TMEM255B: variants seen among roughly 807,000 people sequenced by gnomAD.
TMEM255B encodes the protein family with sequence similarity 70, member B.
In TMEM255B, 35 loss-of-function variants were observed where a neutral mutation model predicts 34.5. That is an observed-to-expected ratio of 1.01 (90% CI 0.77 to 1.34). The LOEUF is 1.34. Among genes scored for constraint, TMEM255B ranks in the 40% most tolerant of loss-of-function variants. The pLI is 0.00. For missense variants in TMEM255B, 432 were observed against 433.2 expected, an observed-to-expected ratio of 1.00 and a Z score of 0.02; for synonymous variants, 206 against 201.2, an observed-to-expected ratio of 1.02 and a Z score of -0.20.
intron 4 of TMEM255B, 130 bp downstream of exon 4, chr13:113,795,367 C>T (rs777052428): frequency 1.1e-6 from 1 of 910,102 alleles, no homozygotes; most frequent in Non-Finnish European, 1.7e-6. Context: ...TGGGGGTTGC[C>T]AGTGACTGTC....
rs2051391130 is a variant in TMEM255B at position 113,815,417 on chromosome 13, A to ACGG, written c.*3514_*3515insCGG. On this transcript the variant is annotated 3_prime_UTR_variant, in exon 9 of 9. Transcript: ENST00000375353. ...ACGGAGAGAGGAAGGGACATGGGTG[A>ACGG]TATGGTTTTGCTGTGTCCCCACCCA... is the stretch of plus-strand genomic sequence containing the variant. 1.3e-5 allele frequency: 2 copies of ACGG among 151,682 alleles called. No homozygotes were observed. The highest frequency in any genetic ancestry group is 6.6e-5 in the Admixed American group (1 of 15,242). 9.4% of individuals were successfully genotyped at this position (151,682 alleles called of 1,614,324 possible).
At chr13:113,797,620 T>C (rs1226335266) in intron 4 of TMEM255B, among the ~76,000 whole-genome samples, 7 of 152,248 alleles carry the variant, frequency 4.6e-5, no homozygotes. Context: ...GACTTGTGTC[T>C]GCTTCCTCCA....
rs1485272556 is a variant in TMEM255B, at chr13:113,769,783, A to G, written c.252+623A>G. ...GGGGACTATAACTTTAAAAACAAAA[A>G]CTGGCTAATTTTGTCAGTTCACGGT... is the stretch of plus-strand genomic sequence containing the variant. On this transcript the variant is annotated intron_variant, in intron 3 of 8. Coordinates refer to ENST00000375353, the MANE Select transcript of TMEM255B (RefSeq NM_182614.4). This position sits in a 1 kb window ranked among gnomAD's most constrained non-coding sequence, Gnocchi z 4.2. The G allele has an allele frequency of 6.6e-6, 1 of 152,026 alleles. No homozygotes were observed. 9.4% of individuals were successfully genotyped at this position (152,026 alleles called of 1,614,324 possible).
intron 1 of TMEM255B, 136 bp from the exon 2 acceptor site, chr13:113,765,977 CCT>C: frequency 9.1e-7 from 1 of 1,101,260 alleles, no homozygotes; most frequent in Non-Finnish European, 1.3e-6. Flanking sequence ...GGGGTGGTCC[CCT>C]GAGGTGGGCC....
Position 113,804,865 on chromosome 13 carries a change from C to G in TMEM255B, c.670-20C>G. The G allele has an allele frequency of 6.3e-7, 1 of 1,588,502 alleles. No individual in the cohort carries two copies. Among genetic ancestry groups the G allele is most frequent in the Non-Finnish European group, 8.5e-7 (1 of 1,172,878 alleles). ...CCACTAGGGGGTACACGCCGACCAC[C>G]CGTCTCCTCTCCATGGCAGGTGCCT... On this transcript the variant is annotated intron_variant, in intron 7 of 8. Coordinates refer to ENST00000375353, the MANE Select transcript of TMEM255B (RefSeq NM_182614.4).
chr13:113,763,582 GA>G (rs919011730), intron 1 of TMEM255B, among the ~76,000 whole-genome samples: 1 of 151,982 alleles, frequency 6.6e-6, no homozygotes, highest in Non-Finnish European at 1.5e-5. Flanking sequence ...CCTAATTTAA[GA>G]AAAAAATGTT....
Position 113,814,293 on chromosome 13 carries a change from T to G in TMEM255B, c.*2390T>G, listed in dbSNP as rs929824660. 1 of 152,230 alleles carries G rather than the reference T, an allele frequency of 6.6e-6. No homozygotes were observed. Among genetic ancestry groups the G allele is most frequent in the Non-Finnish European group, 1.5e-5 (1 of 68,086 alleles). The allele number at this position is 152,230 out of a possible 1,614,324, so 9.4% of individuals were successfully genotyped here. A position where few individuals can be genotyped will look rare whatever the true frequency, so the allele number is the denominator to read the frequency against. Reference sequence around the variant, plus strand: ...GCAAAGTCACAGGAATAACCCTCCTTCCCCTCATGTCAGCCCTCGGTCGCA... The same window carrying G: ...GCAAAGTCACAGGAATAACCCTCCTGCCCCTCATGTCAGCCCTCGGTCGCA... On this transcript the variant is annotated 3_prime_UTR_variant, in exon 9 of 9. Transcript: ENST00000375353.
intron 3 of TMEM255B, among the ~76,000 whole-genome samples, chr13:113,790,432 G>A (rs373526488): frequency 2.2e-5 from 2 of 91,654 alleles, no homozygotes; most frequent in Non-Finnish European, 2.3e-5. Context: ...TGAACTGACT[G>A]GACACATGGA....
chr13:113,785,398 C>T (rs540638450), intron 3 of TMEM255B, among the ~76,000 whole-genome samples: 4 of 152,336 alleles, frequency 2.6e-5, no homozygotes, highest in Admixed American at 2.6e-4. Context: ...GAGAGGGAGG[C>T]TTGCGGGCTT....
intron 7 of TMEM255B, among the ~76,000 whole-genome samples, chr13:113,803,808 C>T (rs1362125802): frequency 9.3e-6 from 1 of 107,772 alleles, no homozygotes. Flanking sequence ...CCTTCCAGTG[C>T]CCGCTGGGCA....
At position 113,795,128 on chromosome 13, in the gene TMEM255B, C is replaced by A. The variant is rs1435151981; in HGVS notation, c.253-20C>A. The A allele has an allele frequency of 6.2e-7, 1 of 1,612,950 alleles. No homozygotes were observed. Among genetic ancestry groups the A allele is most frequent in the Non-Finnish European group, 8.5e-7 (1 of 1,179,350 alleles). ...GGGGTTGGTAAAAGCTGGGCACCCA[C>A]ACCTCTCCTTCTGTTGCAGCTGGTG... On this transcript the variant is annotated intron_variant, in intron 3 of 8. Transcript: ENST00000375353.
chr13:113,811,826 C>T lies in TMEM255B; in HGVS notation c.904C>T (p.Leu302Phe), dbSNP rs2051315896. ...PPSPSSSGSG[L>F]PGQAPPCYAP... ...TTCTCCAAGCAGCTCTGGCTCTGGG[C>T]TTCCCGGCCAGGCTCCACCGTGCTA... Residue 302 changes from leucine (L) to phenylalanine (F), a missense_variant, in exon 9 of 9, where the codon CTT becomes TTT. By Grantham distance (22) the Leu-to-Phe change is conservative (BLOSUM62 0). Transcript: ENST00000375353. 4 of 1,613,964 alleles carry T rather than the reference C, an allele frequency of 2.5e-6. No homozygotes were observed. In the East Asian group the frequency reaches 8.9e-5, roughly 36 times the overall value.
rs113798460 is a variant in TMEM255B, at chr13:113,800,699, C to T, written c.424-128C>T. 2.5e-4 allele frequency: 206 copies of T among 823,850 alleles called. No homozygotes were observed. In the African/African-American group the frequency reaches 3.0e-3, roughly 12 times the overall value. 51.0% of individuals were successfully genotyped at this position (823,850 alleles called of 1,614,324 possible). A position where few individuals can be genotyped will look rare whatever the true frequency, so the allele number is the denominator to read the frequency against. On this transcript the variant is annotated intron_variant, in intron 5 of 8. Coordinates refer to ENST00000375353, the MANE Select transcript of TMEM255B (RefSeq NM_182614.4). ...TCTGTGTCTGGAGTCGGGGGAAAGTCGGGGGAGGCAGCTGCTTGGCTGGGC... is the reference window on the plus strand; with the variant it reads ...TCTGTGTCTGGAGTCGGGGGAAAGTTGGGGGAGGCAGCTGCTTGGCTGGGC...
chr13:113,785,934 G>A (rs1298702186), intron 3 of TMEM255B, among the ~76,000 whole-genome samples: 1 of 152,194 alleles, frequency 6.6e-6, no homozygotes, highest in East Asian at 1.9e-4. Context: ...GTGGGGATGG[G>A]CCAGACCGTT....
intron 1 of TMEM255B, among the ~76,000 whole-genome samples, chr13:113,759,799 T>C (rs2050266793): frequency 6.6e-6 from 1 of 152,184 alleles, no homozygotes; most frequent in Non-Finnish European, 1.5e-5. Context: ...CTCACAGAAC[T>C]GGACAGTGTT....
chr13:113,769,290 T>G lies in TMEM255B; in HGVS notation c.252+130T>G. 2.0e-6 allele frequency: 2 copies of G among 989,180 alleles called. No individual in the cohort carries two copies. The highest frequency in any genetic ancestry group is 2.5e-5 in the East Asian group (1 of 40,250). 61.3% of individuals were successfully genotyped at this position (989,180 alleles called of 1,614,324 possible). A position where few individuals can be genotyped will look rare whatever the true frequency, so the allele number is the denominator to read the frequency against. On this transcript the variant is annotated intron_variant, in intron 3 of 8. Coordinates refer to ENST00000375353, the MANE Select transcript of TMEM255B (RefSeq NM_182614.4). The surrounding 1 kb of genome is among the most constrained non-coding windows in gnomAD (Gnocchi z 4.2). The stretch of plus-strand genomic sequence containing the variant: ...GGTGTCTACAGGACCAGCTCTGAGG[T>G]TCCCGGGCTGTGGCCTGCACAGTCC...
rs2050448046 is a variant in TMEM255B at position 113,769,752 on chromosome 13, T to C, written c.252+592T>C. The C allele has an allele frequency of 6.5e-6, 1 of 153,068 alleles. No individual in the cohort carries two copies. The highest frequency in any genetic ancestry group is 1.5e-5 in the Non-Finnish European group (1 of 68,636). The allele number at this position is 153,068 out of a possible 1,614,324, so 9.5% of individuals were successfully genotyped here. On this transcript the variant is annotated intron_variant, in intron 3 of 8. Coordinates refer to ENST00000375353, the MANE Select transcript of TMEM255B (RefSeq NM_182614.4). This position sits in a 1 kb window ranked among gnomAD's most constrained non-coding sequence, Gnocchi z 4.2. The stretch of plus-strand genomic sequence containing the variant: ...CTGGAAGTCTGTTTTGTTGATGCAC[T>C]GTTTTGGGGACTATAACTTTAAAAA...
At chr13:113,777,506 C>T (rs549330438) in intron 3 of TMEM255B, among the ~76,000 whole-genome samples, 5 of 152,306 alleles carry the variant, frequency 3.3e-5, no homozygotes, top group African/African-American at 1.2e-4. Flanking sequence ...AGGGGAGGCG[C>T]GGTGGCCCCG....
chr13:113,778,644 C>T (rs1307753916), intron 3 of TMEM255B, among the ~76,000 whole-genome samples: 2 of 151,708 alleles, frequency 1.3e-5, no homozygotes, highest in African/African-American at 4.9e-5. Context: ...TGACGATGAT[C>T]ACCTGTGGTA....
Sources: gnomAD v4.1 joint callset for allele counts (sites outside exome capture counted in the v4.1 genomes callset) on GRCh38, gnomAD v4.1.1 for gene constraint, Gnocchi (gnomAD v3.1) non-coding constraint, MANE v1.5 for transcripts, NCBI Gene and HGNC (gene_info 2026-07-23, HGNC 2026-07-21) for gene names.